Variants in AFF3 observed in about 807,000 individuals in gnomAD.
AFF3 encodes ALF transcription elongation factor 3, also known as AF4/FMR2 family member 3.
AFF3 carries 32 observed loss-of-function variants against 129.7 expected under a neutral mutation model. That is an observed-to-expected ratio of 0.25 (90% CI 0.19 to 0.33). AFF3 has a LOEUF of 0.33. Ranked by LOEUF, AFF3 falls within the 10% of genes least tolerant of loss-of-function variation. The probability of loss-of-function intolerance (pLI) is 1.00; values close to 1 mark genes in which losing one functional copy is unlikely to be tolerated. For synonymous variants in AFF3, 644 were observed against 635.4 expected, an observed-to-expected ratio of 1.01 and a Z score of -0.20; for missense variants, 1,373 against 1,592.0, an observed-to-expected ratio of 0.86 and a Z score of 2.34.
In AFF3 at chr2:99,712,881, A is replaced by C. The variant is rs142690183; in HGVS notation, c.1091+14196T>G. The stretch of plus-strand genomic sequence containing the variant: ...TGGATAAACAAAATGTGGTCTGTAC[A>C]TATAATGGAATATTACTCAGCCTTA... On this transcript the variant is annotated intron_variant, in intron 11 of 24. Coordinates refer to ENST00000672756, the MANE Select transcript of AFF3 (RefSeq NM_001386135.1). Among the ~76,000 whole-genome samples, 153 of 152,372 alleles carry C rather than the reference A, an allele frequency of 1.0e-3. 1 individual carries two copies. The highest frequency in any genetic ancestry group is 2.8e-3 in the African/African-American group (118 of 41,598).
intron 4 of AFF3, among the ~76,000 whole-genome samples, chr2:100,062,416 A>C (rs573122806): frequency 8.9e-4 from 136 of 152,318 alleles, no homozygotes; most frequent in African/African-American, 3.2e-3. Flanking sequence ...GGAAATGAAA[A>C]AAAAATGTCT....
At chr2:100,129,819 A>C (rs552060708) in intron 1 of AFF3, among the ~76,000 whole-genome samples, 10 of 152,354 alleles carry the variant, frequency 6.6e-5, no homozygotes, top group African/African-American at 2.4e-4. Context: ...CTGAAGAGTA[A>C]ATTGAGACTC....
intron 7 of AFF3, among the ~76,000 whole-genome samples, chr2:99,923,482 C>G (rs1220378759): frequency 6.6e-6 from 1 of 152,196 alleles, no homozygotes; most frequent in Non-Finnish European, 1.5e-5. Context: ...CTCTCAAGAG[C>G]CACAATTGCA....
intron 7 of AFF3, among the ~76,000 whole-genome samples, chr2:99,900,192 C>T (rs1558958860): frequency 6.6e-6 from 1 of 152,126 alleles, no homozygotes. Context: ...TGTAGGGAGA[C>T]AGTATTACCA....
At chr2:99,840,026 T>C (rs754220348) in intron 7 of AFF3, among the ~76,000 whole-genome samples, 4 of 152,238 alleles carry the variant, frequency 2.6e-5, no homozygotes, top group Non-Finnish European at 5.9e-5. Context: ...GCCTTTTTAT[T>C]GTTTTATTAT....
At position 99,546,138 on chromosome 2, in the gene AFF3, T is replaced by G. The variant is rs1374041614; in HGVS notation, c.*5336A>C. On this transcript the variant is annotated 3_prime_UTR_variant, in exon 25 of 25. Transcript: ENST00000672756. ...ATTAAAAAAACTTTCAAGATTCCAC[T>G]TGATCCGGGTTTCTTCGAAAATGTA... 1 of 228,920 alleles carries G rather than the reference T, an allele frequency of 4.4e-6. No individual in the cohort carries two copies. The highest frequency in any genetic ancestry group is 2.2e-5 in the African/African-American group (1 of 45,242). The allele number at this position is 228,920 out of a possible 1,614,324, so 14.2% of individuals were successfully genotyped here. A position where few individuals can be genotyped will look rare whatever the true frequency, so the allele number is the denominator to read the frequency against.
chr2:99,550,554 A>T lies in AFF3; in HGVS notation c.*920T>A. On this transcript the variant is annotated 3_prime_UTR_variant, in exon 25 of 25. Coordinates refer to ENST00000672756, the MANE Select transcript of AFF3 (RefSeq NM_001386135.1). ...AAGACTTGAAACAGATTGGCTGACA[A>T]ATGCCATGTGGCTCTACAGCCACCG... 1.3e-5 allele frequency: 3 copies of T among 232,610 alleles called. No individual in the cohort carries two copies. Among genetic ancestry groups the T allele is most frequent in the Non-Finnish European group, 2.6e-5 (3 of 117,630 alleles). The allele number at this position is 232,610 out of a possible 1,614,324, so 14.4% of individuals were successfully genotyped here.
In AFF3 at chr2:100,105,434, C is replaced by T. The variant is rs1162000683; in HGVS notation, c.-65+70G>A. ...CTGCTCTCCGTTGCGGTTTGGCCTCCAGTGGTGGTCCCACCCACCCTCTAG... is the reference window on the plus strand; with the variant it reads ...CTGCTCTCCGTTGCGGTTTGGCCTCTAGTGGTGGTCCCACCCACCCTCTAG... On this transcript the variant is annotated intron_variant, in intron 3 of 24. Coordinates refer to ENST00000672756, the MANE Select transcript of AFF3 (RefSeq NM_001386135.1). The T allele has an allele frequency of 3.0e-6, 4 of 1,319,364 alleles. No individual in the cohort carries two copies. In the African/African-American group the frequency reaches 4.5e-5, roughly 15 times the overall value. The allele number at this position is 1,319,364 out of a possible 1,614,324, so 81.7% of individuals were successfully genotyped here. A position where few individuals can be genotyped will look rare whatever the true frequency, so the allele number is the denominator to read the frequency against.
intron 20 of AFF3, among the ~76,000 whole-genome samples, chr2:99,561,913 A>G (rs529533975): frequency 6.6e-6 from 1 of 152,068 alleles, no homozygotes; most frequent in Non-Finnish European, 1.5e-5. Context: ...ATTTCCCTTC[A>G]TTCTTGAAGA....
chr2:99,763,713 C>A (rs1682794317), intron 8 of AFF3, among the ~76,000 whole-genome samples: 1 of 152,160 alleles, frequency 6.6e-6, no homozygotes, highest in Admixed American at 6.5e-5. Context: ...GCAACTGATT[C>A]AAACACAGAT....
intron 13 of AFF3, among the ~76,000 whole-genome samples, chr2:99,614,775 G>A (rs1681255649): frequency 6.6e-6 from 1 of 152,140 alleles, no homozygotes; most frequent in Non-Finnish European, 1.5e-5. Context: ...GGATTTATCA[G>A]CTTTTCTTTT....
At chr2:99,688,308 G>A (rs1264481527) in intron 11 of AFF3, among the ~76,000 whole-genome samples, 5 of 152,210 alleles carry the variant, frequency 3.3e-5, no homozygotes, top group Admixed American at 2.0e-4. Context: ...GCTGCCCATG[G>A]TAGTGATGGA....
At chr2:99,826,416 T>C (rs887011148) in intron 8 of AFF3, among the ~76,000 whole-genome samples, 4 of 152,198 alleles carry the variant, frequency 2.6e-5, no homozygotes, top group Admixed American at 6.5e-5. Context: ...GACCATTACA[T>C]ATTAAGTATT....
At chr2:99,794,770 C>G (rs1422108668) in intron 8 of AFF3, among the ~76,000 whole-genome samples, 1 of 152,170 alleles carries the variant, frequency 6.6e-6, no homozygotes, top group African/African-American at 2.4e-5. Context: ...GTCTAGAAAG[C>G]AGCTCTGAAT....
At chr2:99,950,164 C>T (rs1271939741) in intron 7 of AFF3, among the ~76,000 whole-genome samples, 1 of 152,154 alleles carries the variant, frequency 6.6e-6, no homozygotes, top group African/African-American at 2.4e-5. Context: ...GTACATGTGC[C>T]ACTGCATCAA....
At chr2:99,707,517 G>A in intron 11 of AFF3, 5 of 985,252 alleles carry the variant, frequency 5.1e-6, no homozygotes, top group Non-Finnish European at 6.0e-6. Flanking sequence ...AACATAAACT[G>A]AAGTTAGGTA....
intron 7 of AFF3, among the ~76,000 whole-genome samples, chr2:99,994,845 G>A (rs1167032414): frequency 6.6e-6 from 1 of 152,136 alleles, no homozygotes; most frequent in Non-Finnish European, 1.5e-5. Flanking sequence ...ACCAGTGAAA[G>A]TAGGGTTCAC....
chr2:100,077,808 T>C (rs1460539602), intron 4 of AFF3, among the ~76,000 whole-genome samples: 1 of 152,162 alleles, frequency 6.6e-6, no homozygotes, highest in African/African-American at 2.4e-5. Flanking sequence ...CATAGAGTTT[T>C]TAAGGCTGGA....
chr2:99,637,884 G>C (rs1212797543), intron 13 of AFF3, among the ~76,000 whole-genome samples: 1 of 152,166 alleles, frequency 6.6e-6, no homozygotes. Flanking sequence ...ACAGTGTTAT[G>C]TTGTCCTTGG....
Sources: gnomAD v4.1 joint callset for allele counts (sites outside exome capture counted in the v4.1 genomes callset) on GRCh38, gnomAD v4.1.1 for gene constraint, MANE v1.5 for transcripts, NCBI Gene and HGNC (gene_info 2026-07-23, HGNC 2026-07-21) for gene names.